Variants in CCDC102B observed in about 807,000 individuals in gnomAD.
The protein encoded by CCDC102B is coiled-coil domain-containing protein 102B.
A neutral mutation model predicts 57.4 loss-of-function variants in CCDC102B; 75 were observed. The ratio of observed to expected loss-of-function variants is 1.31; its 90% CI spans 1.08 to 1.58. The LOEUF (loss-of-function observed/expected upper bound fraction) is 1.58. CCDC102B is among the 40% of genes most tolerant of loss of function. The pLI, the probability that CCDC102B is intolerant of heterozygous loss-of-function variation, is 0.00. For synonymous variants in CCDC102B, 206 were observed against 201.9 expected (o/e 1.02, Z -0.17); for missense variants, 636 against 582.6 (o/e 1.09, Z -0.94).
At chr18:68,927,142 G>A (rs1388460091) in intron 6 of CCDC102B, among the ~76,000 whole-genome samples, 1 of 151,938 alleles carries the variant, frequency 6.6e-6, no homozygotes, top group African/African-American at 2.4e-5. Context: ...GAGAAAGACT[G>A]TGAGCTTCAG....
At chr18:68,790,584 C>T (rs916354376) in intron 2 of CCDC102B, among the ~76,000 whole-genome samples, 3 of 152,110 alleles carry the variant, frequency 2.0e-5, no homozygotes, top group African/African-American at 7.2e-5. Flanking sequence ...TGGGAGTGAC[C>T]CGATTTTCCA....
At chr18:68,825,845 GTACTTACAGGT>G (rs1333397332) in intron 1 of CCDC102B, among the ~76,000 whole-genome samples, 1 of 152,062 alleles carries the variant, frequency 6.6e-6, no homozygotes, top group African/African-American at 2.4e-5. Context: ...CAAGTATTTT[GTACTTACAGGT>G]AGTCATGTGC....
chr18:69,001,921 C>T (rs1312700859), intron 6 of CCDC102B, among the ~76,000 whole-genome samples: 6 of 152,128 alleles, frequency 3.9e-5, no homozygotes, highest in Non-Finnish European at 8.8e-5. Flanking sequence ...TATTTTCCCC[C>T]TGTTATGGCC....
intron 2 of CCDC102B, among the ~76,000 whole-genome samples, chr18:68,746,769 A>T (rs551389260): frequency 1.3e-5 from 2 of 152,040 alleles, no homozygotes; most frequent in South Asian, 2.1e-4. Context: ...ATTAAAATAT[A>T]ATTGAGATAT....
intron 4 of CCDC102B, among the ~76,000 whole-genome samples, chr18:68,867,824 CTCGA>C (rs1466721244): frequency 0.17 from 25,169 of 151,380 alleles, 2,172 homozygotes; most frequent in Admixed American, 0.19. Flanking sequence ...GTCCCAGCTA[CTCGA>C]CAGGCTGAGG....
intron 5 of CCDC102B, among the ~76,000 whole-genome samples, chr18:68,880,679 G>T (rs2039663393): frequency 6.6e-6 from 1 of 152,186 alleles, no homozygotes. Context: ...TTCTTTAATG[G>T]AGTAAATTGT....
At chr18:68,790,209 T>C (rs1184913977) in intron 2 of CCDC102B, among the ~76,000 whole-genome samples, 4 of 150,674 alleles carry the variant, frequency 2.7e-5, no homozygotes, top group African/African-American at 7.3e-5. Flanking sequence ...AGCTGTGTGC[T>C]GGGAGAACCA....
intron 6 of CCDC102B, among the ~76,000 whole-genome samples, chr18:68,957,486 G>C (rs2049930735): frequency 1.3e-5 from 2 of 149,254 alleles, no homozygotes; most frequent in South Asian, 4.2e-4. Flanking sequence ...CTCTTTTTAT[G>C]TCAGTACTGT....
intron 4 of CCDC102B, among the ~76,000 whole-genome samples, chr18:68,864,012 A>G (rs759058925): frequency 6.6e-6 from 1 of 151,990 alleles, no homozygotes; most frequent in Non-Finnish European, 1.5e-5. Flanking sequence ...TCTTAAGATC[A>G]CAATCTGTGC....
At chr18:68,968,266 C>T (rs1462468681) in intron 6 of CCDC102B, among the ~76,000 whole-genome samples, 1 of 151,988 alleles carries the variant, frequency 6.6e-6, no homozygotes, top group Admixed American at 6.6e-5. Flanking sequence ...ACTTTATGGT[C>T]TGACCTTAAA....
At chr18:68,968,514 T>G (rs73467633) in intron 6 of CCDC102B, among the ~76,000 whole-genome samples, 2,759 of 152,292 alleles carry the variant, frequency 0.018, 87 homozygotes, top group African/African-American at 0.064. Context: ...TGAAGATATT[T>G]ATCACCTTCG....
At chr18:68,854,721 C>T (rs2038304956) in intron 4 of CCDC102B, among the ~76,000 whole-genome samples, 1 of 151,950 alleles carries the variant, frequency 6.6e-6, no homozygotes, top group African/African-American at 2.4e-5. Flanking sequence ...CTCCTGCTAC[C>T]TCGGGATCTG....
intron 2 of CCDC102B, among the ~76,000 whole-genome samples, chr18:68,769,467 G>A (rs1184259324): frequency 6.6e-6 from 1 of 151,908 alleles, no homozygotes; most frequent in Non-Finnish European, 1.5e-5. Context: ...TACACAATTA[G>A]GTCCATAGCA....
At chr18:69,049,854 G>A (rs1424157376) in intron 7 of CCDC102B, among the ~76,000 whole-genome samples, 2 of 151,490 alleles carry the variant, frequency 1.3e-5, no homozygotes, top group Non-Finnish European at 2.9e-5. Flanking sequence ...ATGTTGCCCA[G>A]GCTGGAGTGC....
downstream of CCDC102B, chr18:69,055,302 C>A (rs1052330457): frequency 1.0e-5 from 3 of 299,172 alleles, no homozygotes; most frequent in Non-Finnish European, 1.5e-5. Flanking sequence ...GGCAAAGAGG[C>A]CCGATCTTCA....
intron 6 of CCDC102B, among the ~76,000 whole-genome samples, chr18:68,953,355 CTT>C (rs5825890): frequency 0.24 from 29,924 of 125,170 alleles, 3,189 homozygotes; most frequent in East Asian, 0.52. Context: ...CAATACTTGT[CTT>C]TTTTTTTTTT....
At position 68,859,146 on chromosome 18, in the gene CCDC102B, G is replaced by T. The variant is rs553921443; in HGVS notation, c.936+12725G>T. 1,274 of 146,836 alleles carry T rather than the reference G, an allele frequency of 8.7e-3. 13 individuals are homozygous for T. Among genetic ancestry groups the T allele is most frequent in the African/African-American group, 0.03 (1,191 of 39,590 alleles). The allele number at this position is 146,836 out of a possible 1,614,324, so 9.1% of individuals were successfully genotyped here. ...GAACAGAGCCCTCAGAAATAATGCC[G>T]CATATCTACAACTATCTGATCTTTG... On this transcript the variant is annotated intron_variant, in intron 4 of 7. Coordinates refer to ENST00000360242, the MANE Select transcript of CCDC102B (RefSeq NM_024781.3).
At chr18:68,795,070 A>G (rs1466038327), upstream of CCDC102B, among the ~76,000 whole-genome samples, 1 of 151,852 alleles carries the variant, frequency 6.6e-6, no homozygotes, top group Non-Finnish European at 1.5e-5. Flanking sequence ...AAACAAATGC[A>G]AAGATACAGA....
rs936815319 is a variant in CCDC102B at position 68,824,021 on chromosome 18, G to C, written c.-15-12728G>C. 3.3e-5 allele frequency among the ~76,000 whole-genome samples: 5 copies of C among 150,912 alleles called. No individual in the cohort carries two copies. The East Asian group carries it at 9.7e-4, about 29-fold the overall frequency. ...TGCCGGCTATTTACTCTGTTGATAG[G>C]TTCTTTTGCTGTGCAAAAGCTCTTT... On this transcript the variant is annotated intron_variant, in intron 1 of 7. Coordinates refer to ENST00000360242, the MANE Select transcript of CCDC102B (RefSeq NM_024781.3).
Sources: allele counts gnomAD v4.1 joint callset (sites outside exome capture counted in the v4.1 genomes callset), GRCh38; gene constraint gnomAD v4.1.1; transcripts MANE v1.5; gene names NCBI Gene and HGNC (gene_info 2026-07-23, HGNC 2026-07-21).